MIER1: variants seen among roughly 807,000 people sequenced by gnomAD.
MIER1 encodes MIER1 transcriptional regulator.
A neutral mutation model predicts 75.7 loss-of-function variants in MIER1; 40 were observed. That is an observed-to-expected ratio of 0.53 (90% confidence interval 0.41 to 0.69). The LOEUF (loss-of-function observed/expected upper bound fraction) is 0.69, where lower values mean the gene tolerates loss of function less well. Among genes scored for constraint, MIER1 ranks in the 30% least tolerant of loss-of-function variants. The pLI, the probability that MIER1 is intolerant of heterozygous loss-of-function variation, is 0.00. For missense variants in MIER1, 574 were observed against 680.2 expected (o/e 0.84, Z 1.74); for synonymous variants, 213 against 223.4 (o/e 0.95, Z 0.42).
chr1:66,944,419 T>C (rs999632718), intron 3 of MIER1, among the ~76,000 whole-genome samples: 1 of 150,870 alleles, frequency 6.6e-6, no homozygotes, highest in Non-Finnish European at 1.5e-5. Flanking sequence ...TTACATAGTC[T>C]GTAAAATATC....
At chr1:66,982,358 GAAT>G (rs1220761963) in intron 13 of MIER1, among the ~76,000 whole-genome samples, 5 of 152,068 alleles carry the variant, frequency 3.3e-5, no homozygotes, top group African/African-American at 9.7e-5. Context: ...TAATAACCTT[GAAT>G]AATGAGAAAA....
At chr1:66,979,955 G>C (rs2102034731) in intron 12 of MIER1, among the ~76,000 whole-genome samples, 1 of 151,776 alleles carries the variant, frequency 6.6e-6, no homozygotes, top group Non-Finnish European at 1.5e-5. Flanking sequence ...GTAGAGACAG[G>C]GTTTCTCCAT....
In MIER1 at chr1:66,985,996, G is replaced by C; in HGVS notation, c.*1096G>C. 7 of 989,316 alleles carry C rather than the reference G, an allele frequency of 7.1e-6. No individual in the cohort carries two copies. The highest frequency in any genetic ancestry group is 8.4e-6 in the Non-Finnish European group (7 of 832,472). 61.3% of individuals were successfully genotyped at this position (989,316 alleles called of 1,614,324 possible). On this transcript the variant is annotated 3_prime_UTR_variant, in exon 14 of 14. Transcript: ENST00000401041. ...GTGCTTAAATATATCATGCTGACCAGAATCCTGTTATTTTTATATGCATCA... is the reference window on the plus strand; with the variant it reads ...GTGCTTAAATATATCATGCTGACCACAATCCTGTTATTTTTATATGCATCA...
chr1:66,927,814 T>G (rs1352488348), intron 2 of MIER1, among the ~76,000 whole-genome samples: 1 of 152,136 alleles, frequency 6.6e-6, no homozygotes, highest in Non-Finnish European at 1.5e-5. Flanking sequence ...GATGAGAGAT[T>G]ACTATCTTGA....
At chr1:66,957,555 T>A (rs2101682394) in intron 4 of MIER1, among the ~76,000 whole-genome samples, 1 of 151,932 alleles carries the variant, frequency 6.6e-6, no homozygotes, top group South Asian at 2.1e-4. Context: ...TAGTCCATTA[T>A]CATTTCTGTA....
intron 2 of MIER1, chr1:66,930,366 A>G (rs1652853784): frequency 1.2e-6 from 2 of 1,606,686 alleles, no homozygotes; most frequent in Admixed American, 1.7e-5. Flanking sequence ...GCCGCCGCGG[A>G]GATGTGACCC....
intron 12 of MIER1, among the ~76,000 whole-genome samples, chr1:66,977,181 C>T (rs945806048): frequency 9.9e-5 from 15 of 151,910 alleles, no homozygotes; most frequent in African/African-American, 3.6e-4. Flanking sequence ...GCAATCTCAG[C>T]TCCCTGCAGC....
rs568954250 is a variant in MIER1, at chr1:66,974,261, A to G, written c.1101+1270A>G. Among the ~76,000 whole-genome samples, 33 of 152,236 alleles carry G rather than the reference A, an allele frequency of 2.2e-4. 2 individuals carry two copies. The East Asian group carries it at 6.0e-3, about 28-fold the overall frequency. ...CTTAGAAGACAATGTAATTAGTTTCAAAAATGTATACCCCTAATGTTGTGT... is the reference window on the plus strand; with the variant it reads ...CTTAGAAGACAATGTAATTAGTTTCGAAAATGTATACCCCTAATGTTGTGT... On this transcript the variant is annotated intron_variant, in intron 11 of 13. Transcript: ENST00000401041.
At chr1:66,963,860 A>G (rs1045753615) in intron 8 of MIER1, among the ~76,000 whole-genome samples, 4 of 152,022 alleles carry the variant, frequency 2.6e-5, no homozygotes, top group Non-Finnish European at 5.9e-5. Flanking sequence ...GTGAGCCAGT[A>G]TCGCACCACT....
At chr1:66,925,576 T>G (rs1189500610) in intron 1 of MIER1, 2 of 983,242 alleles carry the variant, frequency 2.0e-6, no homozygotes, top group Non-Finnish European at 2.4e-6. Context: ...TCGGATGGAG[T>G]CAGGGAGGGA....
chr1:66,975,768 G>A (rs1026047512), intron 11 of MIER1, among the ~76,000 whole-genome samples: 3 of 152,076 alleles, frequency 2.0e-5, no homozygotes, highest in African/African-American at 4.8e-5. Context: ...AGTAAACAAA[G>A]CATTAGCATT....
At chr1:66,940,996 G>C (rs1180438743) in intron 3 of MIER1, among the ~76,000 whole-genome samples, 1 of 152,208 alleles carries the variant, frequency 6.6e-6, no homozygotes, top group East Asian at 1.9e-4. Context: ...TGAATACTTA[G>C]ATAGGATGTA....
chr1:66,980,998 G>A (rs1340000413), intron 12 of MIER1, among the ~76,000 whole-genome samples: 1 of 152,136 alleles, frequency 6.6e-6, no homozygotes, highest in East Asian at 1.9e-4. Flanking sequence ...ACAGGCTATA[G>A]TTGGCTGACT....
chr1:66,938,092 T>G (rs112871587), intron 2 of MIER1, among the ~76,000 whole-genome samples: 10 of 152,214 alleles, frequency 6.6e-5, no homozygotes, highest in African/African-American at 2.4e-4. Flanking sequence ...CAAATGCTAC[T>G]AGTCCTCAAG....
chr1:66,925,612 G>T, intron 1 of MIER1: 4 of 924,896 alleles, frequency 4.3e-6, no homozygotes, highest in Non-Finnish European at 5.2e-6. Flanking sequence ...GGGTATTACT[G>T]TAAGGAAACG....
chr1:66,949,524 C>T (rs1658432330), intron 4 of MIER1, among the ~76,000 whole-genome samples: 1 of 152,178 alleles, frequency 6.6e-6, no homozygotes, highest in African/African-American at 2.4e-5. Flanking sequence ...TTCAACTAGA[C>T]AGCCTTATAC....
intron 12 of MIER1, among the ~76,000 whole-genome samples, chr1:66,978,547 A>G (rs1223175827): frequency 6.6e-6 from 1 of 152,220 alleles, no homozygotes; most frequent in African/African-American, 2.4e-5. Flanking sequence ...TTCAAGCATA[A>G]TAATATAGAA....
At position 66,959,810 on chromosome 1, in the gene MIER1, TA is replaced by T; in HGVS notation, c.699+68del. 1.1e-5 allele frequency: 7 copies of T among 626,814 alleles called. No individual in the cohort carries two copies. The African/African-American group carries it at 1.3e-4, about 11-fold the overall frequency. 38.8% of individuals were successfully genotyped at this position (626,814 alleles called of 1,614,324 possible). ...ATTTTTTTAAAAAGCCTCGTGTAATTATTTTTTTTTTTACTAACTATGTATA... is the reference window on the plus strand; with the variant it reads ...ATTTTTTTAAAAAGCCTCGTGTAATTTTTTTTTTTTTACTAACTATGTATA... On this transcript the variant is annotated intron_variant, in intron 7 of 13. Transcript: ENST00000401041.
intron 2 of MIER1, among the ~76,000 whole-genome samples, chr1:66,938,966 A>G (rs1655561610): frequency 6.6e-6 from 1 of 152,176 alleles, no homozygotes; most frequent in African/African-American, 2.4e-5. Flanking sequence ...AATTTGTCTT[A>G]GACACATTGT....
Sources: allele counts gnomAD v4.1 joint callset (sites outside exome capture counted in the v4.1 genomes callset), GRCh38; gene constraint gnomAD v4.1.1; transcripts MANE v1.5; gene names NCBI Gene and HGNC (gene_info 2026-07-23, HGNC 2026-07-21).